GRIP1: variants seen among roughly 807,000 people sequenced by gnomAD.
The protein encoded by GRIP1 is glutamate receptor-interacting protein 1.
In GRIP1, 45 loss-of-function variants were observed where a neutral mutation model predicts 129.9. The observed-to-expected ratio is 0.35, with a 90% CI of 0.27 to 0.44. The LOEUF (loss-of-function observed/expected upper bound fraction) is 0.44. Among genes scored for constraint, GRIP1 ranks in the 20% least tolerant of loss-of-function variants. The pLI, the probability that GRIP1 is intolerant of heterozygous loss-of-function variation, is 1.00. For missense variants in GRIP1, 1,196 were observed against 1,396.8 expected (o/e 0.86, Z 2.29); for synonymous variants, 530 against 520.8 (o/e 1.02, Z -0.24).
At chr12:66,990,588 T>C (rs932690589) in intron 1 of GRIP1, among the ~76,000 whole-genome samples, 2 of 152,354 alleles carry the variant, frequency 1.3e-5, no homozygotes, top group South Asian at 2.1e-4. Context: ...CACAACAACC[T>C]GAGGAAGGCA....
At chr12:66,565,410 G>A (rs1179693347) in intron 2 of GRIP1, among the ~76,000 whole-genome samples, 1 of 152,046 alleles carries the variant, frequency 6.6e-6, no homozygotes, top group Non-Finnish European at 1.5e-5. Flanking sequence ...TTTTTGTCAG[G>A]TTTGTCAAAG....
At chr12:66,494,835 T>C (rs2060193294) in intron 7 of GRIP1, among the ~76,000 whole-genome samples, 1 of 152,024 alleles carries the variant, frequency 6.6e-6, no homozygotes, top group Non-Finnish European at 1.5e-5. Context: ...GAGCTATGAT[T>C]GCACCACTGC....
At chr12:66,447,592 TC>T (rs369046253) in intron 11 of GRIP1, among the ~76,000 whole-genome samples, 190 of 152,238 alleles carry the variant, frequency 1.2e-3, no homozygotes, top group African/African-American at 4.5e-3. Flanking sequence ...CTTCCTTTTT[TC>T]CCCCACTACA....
chr12:66,541,670 G>C, intron 3 of GRIP1, 145 bp downstream of exon 3: 1 of 846,832 alleles, frequency 1.2e-6, no homozygotes, highest in Non-Finnish European at 2.0e-6. Context: ...TCTGAAACGT[G>C]CCCCACTGTG....
chr12:66,741,706 T>A (rs2036792457), intron 1 of GRIP1, among the ~76,000 whole-genome samples: 1 of 152,204 alleles, frequency 6.6e-6, no homozygotes, highest in African/African-American at 2.4e-5. Context: ...ATTTGGAATC[T>A]GGTATGTATT....
At chr12:66,752,198 T>C (rs1168833822) in intron 1 of GRIP1, among the ~76,000 whole-genome samples, 1 of 149,110 alleles carries the variant, frequency 6.7e-6, no homozygotes, top group African/African-American at 2.6e-5. Context: ...AGCTTCCATT[T>C]AAGACACAGT....
At chr12:66,375,574 C>G (rs573241413) in intron 22 of GRIP1, among the ~76,000 whole-genome samples, 1 of 152,268 alleles carries the variant, frequency 6.6e-6, no homozygotes, top group African/African-American at 2.4e-5. Flanking sequence ...ATTTGCCAAT[C>G]ATTCATCCTA....
At chr12:66,411,158 T>C (rs1420646425) in intron 15 of GRIP1, among the ~76,000 whole-genome samples, 2 of 152,158 alleles carry the variant, frequency 1.3e-5, no homozygotes, top group Non-Finnish European at 2.9e-5. Flanking sequence ...GCCAGACTGC[T>C]TTTTTAAGCG....
At chr12:66,973,378 C>CTTT (rs55729292) in intron 1 of GRIP1, among the ~76,000 whole-genome samples, 2 of 129,498 alleles carry the variant, frequency 1.5e-5, no homozygotes, top group African/African-American at 2.9e-5. Context: ...CTTTTTCATT[C>CTTT]TTTTTTTTTT....
intron 1 of GRIP1, among the ~76,000 whole-genome samples, chr12:66,629,018 A>C (rs1368640206): frequency 6.6e-6 from 1 of 152,220 alleles, no homozygotes; most frequent in Non-Finnish European, 1.5e-5. Context: ...CATTAAAGGA[A>C]TGTTAAATCT....
At chr12:66,671,609 T>G (rs1224631293) in intron 1 of GRIP1, among the ~76,000 whole-genome samples, 1 of 152,212 alleles carries the variant, frequency 6.6e-6, no homozygotes, top group Non-Finnish European at 1.5e-5. Flanking sequence ...TAATCTGGTT[T>G]GGACATCAAT....
chr12:66,977,285 G>C (rs1002374898), intron 1 of GRIP1, among the ~76,000 whole-genome samples: 12 of 149,960 alleles, frequency 8.0e-5, no homozygotes, highest in Middle Eastern at 3.4e-3. Flanking sequence ...TTAGGGTACA[G>C]GTGCAGGTCA....
intron 7 of GRIP1, among the ~76,000 whole-genome samples, chr12:66,466,210 G>T (rs776138242): frequency 6.6e-6 from 1 of 152,190 alleles, no homozygotes; most frequent in African/African-American, 2.4e-5. Context: ...TGCTTCTACA[G>T]CCTGCTCTAT....
intron 2 of GRIP1, among the ~76,000 whole-genome samples, chr12:66,545,415 C>T (rs1371979410): frequency 1.3e-5 from 2 of 152,060 alleles, no homozygotes; most frequent in African/African-American, 2.4e-5. Context: ...GATGGTTATA[C>T]AATTAATATG....
chr12:66,986,441 A>G (rs1396402223), intron 1 of GRIP1, among the ~76,000 whole-genome samples: 2 of 150,648 alleles, frequency 1.3e-5, no homozygotes, highest in African/African-American at 2.4e-5. Context: ...ATGTCCAACA[A>G]TGATAGACTG....
chr12:66,788,844 C>T (rs988487018), intron 1 of GRIP1, among the ~76,000 whole-genome samples: 16 of 152,056 alleles, frequency 1.1e-4, no homozygotes, highest in African/African-American at 2.9e-4. Context: ...ACCATGAACC[C>T]GAGTATCCAG....
At chr12:66,436,943 T>C (rs2058324784) in intron 13 of GRIP1, among the ~76,000 whole-genome samples, 2 of 130,620 alleles carry the variant, frequency 1.5e-5, no homozygotes, top group South Asian at 4.7e-4. Flanking sequence ...CACTGCACTC[T>C]AGCCTGGGTA....
At chr12:66,527,924 T>C (rs1174208002) in intron 5 of GRIP1, among the ~76,000 whole-genome samples, 3 of 151,712 alleles carry the variant, frequency 2.0e-5, no homozygotes, top group South Asian at 2.1e-4. Flanking sequence ...TGACATGCAA[T>C]TCCCCCATGT....
At chr12:66,586,490 A>G (rs963704833) in intron 2 of GRIP1, among the ~76,000 whole-genome samples, 1 of 152,138 alleles carries the variant, frequency 6.6e-6, no homozygotes, top group South Asian at 2.1e-4. Context: ...TGTGCCACCT[A>G]GAAGACCTGT....
Sources: allele counts gnomAD v4.1 joint callset (sites outside exome capture counted in the v4.1 genomes callset), GRCh38; gene constraint gnomAD v4.1.1; transcripts MANE v1.5; gene names NCBI Gene and HGNC (gene_info 2026-07-23, HGNC 2026-07-21).